Variants in KCNH8 observed in about 807,000 individuals in gnomAD.
The protein encoded by KCNH8 is voltage-gated delayed rectifier potassium channel KCNH8.
In KCNH8, 70 loss-of-function variants were observed where a neutral mutation model predicts 103.6. The ratio of observed to expected loss-of-function variants is 0.68; its 90% CI spans 0.56 to 0.82. KCNH8 has a LOEUF of 0.82. Ranked by LOEUF, KCNH8 falls within the 40% of genes least tolerant of loss-of-function variation. The pLI is 0.00. For synonymous variants in KCNH8, 498 were observed against 489.4 expected (o/e 1.02, Z -0.23); for missense variants, 1,217 against 1,329.9 (o/e 0.92, Z 1.32).
chr3:19,428,926 C>A (rs1437105949), intron 7 of KCNH8, among the ~76,000 whole-genome samples: 1 of 152,084 alleles, frequency 6.6e-6, no homozygotes, highest in Non-Finnish European at 1.5e-5. Context: ...TGTGTTGTCT[C>A]TCTGCATTCT....
chr3:19,336,641 GA>G (rs1197150679), intron 3 of KCNH8, among the ~76,000 whole-genome samples: 1 of 151,782 alleles, frequency 6.6e-6, no homozygotes, highest in African/African-American at 2.4e-5. Flanking sequence ...TGAGACAGAT[GA>G]AGTTACTTCA....
intron 1 of KCNH8, among the ~76,000 whole-genome samples, chr3:19,206,532 T>A (rs1472130724): frequency 6.6e-6 from 1 of 151,848 alleles, no homozygotes; most frequent in East Asian, 1.9e-4. Context: ...AATGACATAG[T>A]TAGTTTTTAT....
At position 19,244,889 on chromosome 3, in the gene KCNH8, G is replaced by A. The variant is rs114962838; in HGVS notation, c.77-8765G>A. ...TAGATCTTTGTCAGATGCATAGTTT[G>A]CAAATAGCTTCTTTCATTCTGCAGG... On this transcript the variant is annotated intron_variant, in intron 1 of 15. Coordinates refer to ENST00000328405, the MANE Select transcript of KCNH8 (RefSeq NM_144633.3). 7.1e-3 allele frequency among the ~76,000 whole-genome samples: 1,084 copies of A among 152,050 alleles called. 12 individuals are homozygous for A. Among genetic ancestry groups the A allele is most frequent in the African/African-American group, 0.024 (995 of 41,496 alleles).
intron 3 of KCNH8, among the ~76,000 whole-genome samples, chr3:19,296,490 C>G (rs1005031911): frequency 4.6e-5 from 7 of 152,204 alleles, no homozygotes; most frequent in African/African-American, 1.7e-4. Context: ...CTAGTTTTTT[C>G]ATGCATTCCT....
chr3:19,236,785 G>T (rs985045199), intron 1 of KCNH8, among the ~76,000 whole-genome samples: 3 of 152,110 alleles, frequency 2.0e-5, no homozygotes, highest in Non-Finnish European at 4.4e-5. Flanking sequence ...CAAAGGAGTA[G>T]ATTTTAAACA....
intron 4 of KCNH8, among the ~76,000 whole-genome samples, chr3:19,344,201 C>T (rs1317624705): frequency 1.3e-5 from 2 of 151,928 alleles, no homozygotes; most frequent in African/African-American, 2.4e-5. Flanking sequence ...CAAAGGTAAC[C>T]GCATCTGGGC....
chr3:19,359,080 A>C (rs1213637772), intron 5 of KCNH8, among the ~76,000 whole-genome samples: 2 of 151,996 alleles, frequency 1.3e-5, no homozygotes, highest in Non-Finnish European at 2.9e-5. Context: ...GTAGTAACTC[A>C]CATGCTAAAA....
At chr3:19,449,031 ATACC>A (rs2067403511) in intron 8 of KCNH8, 2 of 1,175,102 alleles carry the variant, frequency 1.7e-6, no homozygotes, top group Non-Finnish European at 2.3e-6. Context: ...AAATCCTGTC[ATACC>A]TTCTCTGACT....
intron 11 of KCNH8, among the ~76,000 whole-genome samples, chr3:19,508,786 C>T (rs1364616068): frequency 6.6e-6 from 1 of 152,132 alleles, no homozygotes; most frequent in Non-Finnish European, 1.5e-5. Flanking sequence ...TTCATGTGCA[C>T]ATACATGTTT....
chr3:19,283,002 T>G (rs2064777512), intron 3 of KCNH8, among the ~76,000 whole-genome samples: 1 of 152,156 alleles, frequency 6.6e-6, no homozygotes, highest in African/African-American at 2.4e-5. Context: ...CCTCTCACTG[T>G]GTAACTTAAT....
chr3:19,299,407 A>G (rs2065036036), intron 3 of KCNH8, among the ~76,000 whole-genome samples: 1 of 152,108 alleles, frequency 6.6e-6, no homozygotes, highest in Non-Finnish European at 1.5e-5. Flanking sequence ...AGGTGGGAGG[A>G]TTGCTTGAGT....
At chr3:19,164,661 C>A (rs2063264973) in intron 1 of KCNH8, among the ~76,000 whole-genome samples, 2 of 152,196 alleles carry the variant, frequency 1.3e-5, no homozygotes, top group African/African-American at 4.8e-5. Flanking sequence ...ACTTGATGAT[C>A]ATACGTGACT....
intron 7 of KCNH8, among the ~76,000 whole-genome samples, chr3:19,403,458 G>A (rs2066646712): frequency 6.8e-6 from 1 of 146,584 alleles, no homozygotes; most frequent in Non-Finnish European, 1.5e-5. Context: ...CCCCCATCAT[G>A]GAAGAACATA....
intron 11 of KCNH8, among the ~76,000 whole-genome samples, chr3:19,481,671 T>A (rs2068089181): frequency 6.6e-6 from 1 of 152,210 alleles, no homozygotes; most frequent in African/African-American, 2.4e-5. Flanking sequence ...CAGAAAAGGT[T>A]AAAGCAGTGC....
chr3:19,193,368 G>A (rs1307334730), intron 1 of KCNH8, among the ~76,000 whole-genome samples: 2 of 151,532 alleles, frequency 1.3e-5, no homozygotes, highest in Non-Finnish European at 3.0e-5. Context: ...TTGTCTTTCA[G>A]TCATGCCATT....
intron 8 of KCNH8, among the ~76,000 whole-genome samples, chr3:19,449,650 T>C (rs1238355412): frequency 6.6e-6 from 1 of 152,078 alleles, no homozygotes; most frequent in South Asian, 2.1e-4. Context: ...ATTTCAAAAA[T>C]TTATTTCATT....
chr3:19,251,452 C>T (rs563888435), intron 1 of KCNH8, among the ~76,000 whole-genome samples: 1 of 151,910 alleles, frequency 6.6e-6, no homozygotes, highest in East Asian at 1.9e-4. Context: ...GGTGCTGATG[C>T]TTACATTACA....
At chr3:19,473,207 T>C (rs2067899490) in intron 11 of KCNH8, among the ~76,000 whole-genome samples, 1 of 152,348 alleles carries the variant, frequency 6.6e-6, no homozygotes, top group Middle Eastern at 3.4e-3. Context: ...AATGGGTTAG[T>C]CTTCTTCTGA....
chr3:19,321,137 T>A (rs937505215), intron 3 of KCNH8, among the ~76,000 whole-genome samples: 4 of 151,982 alleles, frequency 2.6e-5, no homozygotes, highest in Non-Finnish European at 5.9e-5. Context: ...AGAACCAGGT[T>A]TTTGGTTCAT....
Sources: gnomAD v4.1 joint callset for allele counts (sites outside exome capture counted in the v4.1 genomes callset) on GRCh38, gnomAD v4.1.1 for gene constraint, MANE v1.5 for transcripts, NCBI Gene and HGNC (gene_info 2026-07-23, HGNC 2026-07-21) for gene names.